Variants in KCTD16 observed in about 807,000 individuals in gnomAD.
The protein encoded by KCTD16 is BTB/POZ domain-containing protein KCTD16.
Under a neutral mutation model 33.2 loss-of-function variants are expected in KCTD16, and 13 were observed. The ratio of observed to expected loss-of-function variants is 0.39; its 90% CI spans 0.25 to 0.62. The LOEUF (loss-of-function observed/expected upper bound fraction) is 0.62, where lower values mean the gene tolerates loss of function less well. KCTD16 is among the 20% of genes least tolerant of loss of function. The probability of loss-of-function intolerance (pLI) is 0.50; values close to 1 mark genes in which losing one functional copy is unlikely to be tolerated. For missense variants in KCTD16, 441 were observed against 525.1 expected (o/e 0.84, Z 1.57); for synonymous variants, 197 against 195.3 (o/e 1.01, Z -0.07).
chr5:144,338,791 C>T (rs1473128392), intron 3 of KCTD16, among the ~76,000 whole-genome samples: 1 of 152,080 alleles, frequency 6.6e-6, no homozygotes, highest in African/African-American at 2.4e-5. Flanking sequence ...GCTGAAAAGG[C>T]AAGGCTGAGC....
chr5:144,421,157 T>C (rs1753199500), intron 3 of KCTD16, among the ~76,000 whole-genome samples: 1 of 152,166 alleles, frequency 6.6e-6, no homozygotes. Context: ...AAAAATTTTG[T>C]TTTTTGTCCT....
At chr5:144,217,675 A>T (rs1753607389) in intron 3 of KCTD16, among the ~76,000 whole-genome samples, 1 of 152,152 alleles carries the variant, frequency 6.6e-6, no homozygotes, top group Non-Finnish European at 1.5e-5. Flanking sequence ...AGAAAATGTC[A>T]TATCTGTATG....
chr5:144,379,732 T>C (rs2126930162), intron 3 of KCTD16, among the ~76,000 whole-genome samples: 1 of 152,310 alleles, frequency 6.6e-6, no homozygotes, highest in African/African-American at 2.4e-5. Context: ...AGATCATCCA[T>C]GCCTTTTTCT....
At chr5:144,397,385 C>A (rs983351193) in intron 3 of KCTD16, among the ~76,000 whole-genome samples, 1 of 152,032 alleles carries the variant, frequency 6.6e-6, no homozygotes, top group African/African-American at 2.4e-5. Context: ...AATAAACATA[C>A]GTGTGCATAT....
chr5:144,216,168 A>G (rs1753556993), intron 3 of KCTD16, among the ~76,000 whole-genome samples: 1 of 152,226 alleles, frequency 6.6e-6, no homozygotes, highest in East Asian at 1.9e-4. Flanking sequence ...CCTAGAGAGT[A>G]TTCCCTTTCA....
At chr5:144,231,253 T>G (rs562739500) in intron 3 of KCTD16, among the ~76,000 whole-genome samples, 12 of 152,292 alleles carry the variant, frequency 7.9e-5, no homozygotes, top group African/African-American at 2.9e-4. Context: ...AGTTTCTTCC[T>G]TTCAGCTATA....
intron 2 of KCTD16, among the ~76,000 whole-genome samples, chr5:144,184,385 T>C (rs929107903): frequency 2.0e-5 from 3 of 152,196 alleles, no homozygotes; most frequent in African/African-American, 2.4e-5. Flanking sequence ...TTAAAGTCTA[T>C]GGCACATTTT....
rs117706892 is a variant in KCTD16 at position 144,286,093 on chromosome 5, G to A, written c.832+78547G>A. On this transcript the variant is annotated intron_variant, in intron 3 of 3. Coordinates refer to ENST00000512467, the MANE Select transcript of KCTD16 (RefSeq NM_020768.4). ...AGCAGAATTTATTTGATCTGAAACC[G>A]GGAGGTTTCGGGATTTATTTGTTTT... Among the ~76,000 whole-genome samples the A allele has an allele frequency of 7.8e-4, 118 of 151,852 alleles. 1 individual carries two copies. In the East Asian group the frequency reaches 0.02, roughly 26 times the overall value.
chr5:144,474,014 A>G lies in KCTD16; in HGVS notation c.1187A>G (p.Glu396Gly). ...AAGCTCTCAATTGAGGAGGAGCTGGAGAAATGTATCCAGGATTTCCTAAAA... is the reference window on the plus strand; with the variant it reads ...AAGCTCTCAATTGAGGAGGAGCTGGGGAAATGTATCCAGGATTTCCTAAAA... ...KEKLSIEEEL[E>G]KCIQDFLKIK... Residue 396 changes from glutamate (E) to glycine (G), a missense_variant, in exon 4 of 4, where the codon GAG becomes GGG. Transcript: ENST00000512467. 3 of 1,614,110 alleles carry G rather than the reference A, an allele frequency of 1.9e-6. No homozygotes were observed. Among genetic ancestry groups the G allele is most frequent in the African/African-American group, 1.3e-5 (1 of 75,046 alleles).
intron 3 of KCTD16, among the ~76,000 whole-genome samples, chr5:144,303,767 G>T (rs974097700): frequency 1.3e-5 from 2 of 152,186 alleles, no homozygotes; most frequent in Non-Finnish European, 2.9e-5. Flanking sequence ...TGAGGCTGGG[G>T]AGGTCATTTC....
intron 3 of KCTD16, among the ~76,000 whole-genome samples, chr5:144,220,339 G>C (rs1378848694): frequency 6.6e-6 from 1 of 152,048 alleles, no homozygotes; most frequent in Non-Finnish European, 1.5e-5. Flanking sequence ...GTAACTATTT[G>C]CTTGATTTAC....
intron 3 of KCTD16, among the ~76,000 whole-genome samples, chr5:144,339,747 C>T (rs1262585972): frequency 2.0e-5 from 3 of 152,066 alleles, no homozygotes; most frequent in African/African-American, 7.2e-5. Context: ...CTTTTCTTTC[C>T]TTCCACAAAT....
chr5:144,180,920 G>A (rs116821510), intron 2 of KCTD16, among the ~76,000 whole-genome samples: 1,760 of 152,008 alleles, frequency 0.012, 25 homozygotes, highest in Non-Finnish European at 0.014. Flanking sequence ...CAATTATACT[G>A]CAACTTTTTC....
chr5:144,221,157 ATGTTGCTTATTAGATGTCTGCTAT>A (rs1308645675), intron 3 of KCTD16, among the ~76,000 whole-genome samples: 2 of 152,182 alleles, frequency 1.3e-5, no homozygotes, highest in Admixed American at 1.3e-4. Flanking sequence ...TAAAGTGGCC[ATGTTGCTTATTAGATGTCTGCTAT>A]TAAGGCAGAT....
chr5:144,473,091 C>A (rs1360725739), intron 3 of KCTD16, among the ~76,000 whole-genome samples: 1 of 152,130 alleles, frequency 6.6e-6, no homozygotes, highest in Non-Finnish European at 1.5e-5. Flanking sequence ...GAGGGGTACC[C>A]AGTTAGGGAC....
intron 3 of KCTD16, among the ~76,000 whole-genome samples, chr5:144,359,432 G>A (rs13187326): frequency 0.097 from 14,799 of 152,082 alleles, 971 homozygotes; most frequent in Middle Eastern, 0.19. Context: ...CAGACAGATT[G>A]AAAGGGGAGT....
chr5:144,462,521 C>T (rs1267346852), intron 3 of KCTD16, among the ~76,000 whole-genome samples: 8 of 137,118 alleles, frequency 5.8e-5, no homozygotes, highest in African/African-American at 1.6e-4. Context: ...AAAGTCCAGC[C>T]ATCAGAGCTA....
intron 3 of KCTD16, among the ~76,000 whole-genome samples, chr5:144,322,431 G>T (rs1306871596): frequency 1.3e-5 from 2 of 152,008 alleles, no homozygotes; most frequent in Non-Finnish European, 2.9e-5. Flanking sequence ...TATATGTACT[G>T]AGAATGGGGG....
At chr5:144,235,291 GC>G (rs1754219223) in intron 3 of KCTD16, among the ~76,000 whole-genome samples, 1 of 152,062 alleles carries the variant, frequency 6.6e-6, no homozygotes, top group Non-Finnish European at 1.5e-5. Flanking sequence ...GGTTCTATGT[GC>G]CTCTCCCAAG....
Sources: allele counts gnomAD v4.1 joint callset (sites outside exome capture counted in the v4.1 genomes callset), GRCh38; gene constraint gnomAD v4.1.1; transcripts MANE v1.5; gene names NCBI Gene and HGNC (gene_info 2026-07-23, HGNC 2026-07-21).